The following RAB27B variants were observed in gnomAD, a reference collection of about 807,000 sequenced individuals.
RAB27B encodes the protein ras-related protein Rab-27B.
A neutral mutation model predicts 24.6 loss-of-function variants in RAB27B; 15 were observed. That is an observed-to-expected ratio of 0.61 (90% CI 0.41 to 0.94). RAB27B has a LOEUF of 0.94. RAB27B is among the 40% of genes least tolerant of loss of function. The pLI, the probability that RAB27B is intolerant of heterozygous loss-of-function variation, is 0.00. For missense variants in RAB27B, 261 were observed against 266.8 expected, an observed-to-expected ratio of 0.98 and a Z score of 0.15; for synonymous variants, 105 against 92.5, an observed-to-expected ratio of 1.14 and a Z score of -0.78.
intron 1 of RAB27B, among the ~76,000 whole-genome samples, chr18:54,877,323 G>A (rs543288063): frequency 6.6e-6 from 1 of 152,202 alleles, no homozygotes; most frequent in South Asian, 2.1e-4. Flanking sequence ...CTAATGCACT[G>A]TGGCAATTGA....
chr18:54,773,288 C>T (rs1908611085), intron 2 of RAB27B, among the ~76,000 whole-genome samples: 3 of 152,208 alleles, frequency 2.0e-5, no homozygotes, highest in South Asian at 4.1e-4. Flanking sequence ...CAAAGATGCT[C>T]TTGATGTACC....
chr18:54,777,321 G>T (rs900523742), intron 2 of RAB27B, among the ~76,000 whole-genome samples: 1 of 152,192 alleles, frequency 6.6e-6, no homozygotes, highest in East Asian at 1.9e-4. Context: ...AGAACTTGCA[G>T]TTCTCTTAGA....
intron 2 of RAB27B, among the ~76,000 whole-genome samples, chr18:54,776,168 G>T (rs1026360819): frequency 2.0e-5 from 3 of 152,230 alleles, no homozygotes; most frequent in Non-Finnish European, 4.4e-5. Flanking sequence ...TTTCTGATGA[G>T]GAAAGAAATT....
chr18:54,861,178 C>T (rs192970829), intron 1 of RAB27B, among the ~76,000 whole-genome samples: 79 of 152,244 alleles, frequency 5.2e-4, no homozygotes, highest in Middle Eastern at 6.8e-3. Flanking sequence ...AACTTTGGCA[C>T]GACTTCCTCA....
chr18:54,807,513 C>T (rs1431892657), intron 2 of RAB27B, among the ~76,000 whole-genome samples: 1 of 152,196 alleles, frequency 6.6e-6, no homozygotes, highest in Non-Finnish European at 1.5e-5. Flanking sequence ...TGACTCATCA[C>T]TAAGTCTCCA....
At chr18:54,728,879 AAAAAAAAAAAAAAAAAAAAAACCC>A in intron 2 of RAB27B, among the ~76,000 whole-genome samples, 2 of 90,026 alleles carry the variant, frequency 2.2e-5, no homozygotes, top group Non-Finnish European at 4.8e-5. Flanking sequence ...CTGTCTCAAA[AAAAAAAAAAAAAAAAAAAAAACCC>A]AAAAAAAAAA....
intron 2 of RAB27B, among the ~76,000 whole-genome samples, chr18:54,799,304 G>T (rs1909521267): frequency 6.6e-6 from 1 of 152,034 alleles, no homozygotes. Flanking sequence ...ATGGCACTTT[G>T]CTTTCACTAG....
At chr18:54,796,272 T>G (rs920179728) in intron 2 of RAB27B, among the ~76,000 whole-genome samples, 1 of 152,154 alleles carries the variant, frequency 6.6e-6, no homozygotes, top group Non-Finnish European at 1.5e-5. Context: ...GAAGTCCAAG[T>G]GGGCATGCAT....
At chr18:54,885,435 C>G (rs181810803) in intron 4 of RAB27B, among the ~76,000 whole-genome samples, 1 of 152,178 alleles carries the variant, frequency 6.6e-6, no homozygotes, top group African/African-American at 2.4e-5. Flanking sequence ...TTCCCTCTTA[C>G]TTGGGCCCCG....
intron 1 of RAB27B, among the ~76,000 whole-genome samples, chr18:54,858,541 G>T (rs1232778938): frequency 6.6e-6 from 1 of 151,868 alleles, no homozygotes; most frequent in African/African-American, 2.4e-5. Flanking sequence ...CTGCCAGTAC[G>T]CCCGGCTAAT....
intron 2 of RAB27B, among the ~76,000 whole-genome samples, chr18:54,784,505 A>G (rs1359294452): frequency 6.6e-6 from 1 of 152,174 alleles, no homozygotes; most frequent in East Asian, 1.9e-4. Flanking sequence ...CTTTGTGTCC[A>G]GGAGTACTCA....
intron 1 of RAB27B, among the ~76,000 whole-genome samples, chr18:54,830,943 T>G (rs933304745): frequency 6.6e-6 from 1 of 152,228 alleles, no homozygotes; most frequent in Non-Finnish European, 1.5e-5. Context: ...ATTAAGTTGC[T>G]TGTTCATTTG....
intron 3 of RAB27B, chr18:54,880,257 C>A (rs550055895): frequency 6.6e-6 from 1 of 152,218 alleles, no homozygotes; most frequent in South Asian, 2.1e-4. Context: ...AGCTAATACT[C>A]GGTAGACAGT....
chr18:54,760,997 T>C (rs1598884834), intron 2 of RAB27B, among the ~76,000 whole-genome samples: 1 of 31,404 alleles, frequency 3.2e-5, no homozygotes, highest in South Asian at 9.3e-4. Flanking sequence ...GAGGTATTCT[T>C]TTTTTTTTTT....
Position 54,736,352 on chromosome 18 carries a change from T to C in RAB27B, c.-20+18211T>C, listed in dbSNP as rs1598867323. Among the ~76,000 whole-genome samples the C allele has an allele frequency of 2.0e-5, 3 of 152,206 alleles. No individual in the cohort carries two copies. The East Asian group carries it at 5.8e-4, about 29-fold the overall frequency. ...AATACAACATTATCTAATTGGATGTTATTAAAATGGAGATAGTTAACTTTA... is the reference window on the plus strand; with the variant it reads ...AATACAACATTATCTAATTGGATGTCATTAAAATGGAGATAGTTAACTTTA... On this transcript the variant is annotated intron_variant, in intron 2 of 4. Coordinates refer to the RAB27B transcript ENST00000586570.
intron 1 of RAB27B, among the ~76,000 whole-genome samples, chr18:54,868,741 C>G (rs1311660724): frequency 6.6e-6 from 1 of 152,100 alleles, no homozygotes. Context: ...ATTCTCCTGC[C>G]TCAGCCTCCC....
At chr18:54,747,670 T>C (rs192425064) in intron 2 of RAB27B, among the ~76,000 whole-genome samples, 2 of 151,210 alleles carry the variant, frequency 1.3e-5, no homozygotes, top group African/African-American at 2.4e-5. Context: ...CTTTTGCTTC[T>C]CATACTTTGC....
At chr18:54,855,444 T>G (rs372974794) in intron 1 of RAB27B, among the ~76,000 whole-genome samples, 73 of 152,282 alleles carry the variant, frequency 4.8e-4, no homozygotes, top group African/African-American at 1.7e-3. Context: ...ATAATATATA[T>G]CATCAAAGGG....
At chr18:54,877,376 G>T (rs1377697052) in intron 1 of RAB27B, among the ~76,000 whole-genome samples, 191 bp from the exon 2 acceptor site, 1 of 152,184 alleles carries the variant, frequency 6.6e-6, no homozygotes, top group East Asian at 1.9e-4. Flanking sequence ...GTGGTAAAAA[G>T]ATTTGTACTG....
Sources: gnomAD v4.1 joint callset for allele counts (sites outside exome capture counted in the v4.1 genomes callset) on GRCh38, gnomAD v4.1.1 for gene constraint, MANE v1.5 for transcripts, NCBI Gene and HGNC (gene_info 2026-07-23, HGNC 2026-07-21) for gene names.